HADHB: variants seen among roughly 807,000 people sequenced by gnomAD.
HADHB encodes trifunctional enzyme subunit beta, mitochondrial.
Under a neutral mutation model 61.9 loss-of-function variants are expected in HADHB, and 50 were observed. That is an observed-to-expected ratio of 0.81 (90% CI 0.64 to 1.02). The LOEUF (loss-of-function observed/expected upper bound fraction) is 1.02. Ranked by LOEUF, HADHB falls within the 50% of genes least tolerant of loss-of-function variation. HADHB has a pLI of 0.00. For missense variants in HADHB, 504 were observed against 586.5 expected, an observed-to-expected ratio of 0.86 and a Z score of 1.45; for synonymous variants, 191 against 201.6, an observed-to-expected ratio of 0.95 and a Z score of 0.45.
chr2:26,270,504 C>G (rs958607925), intron 5 of HADHB, among the ~76,000 whole-genome samples: 1 of 151,990 alleles, frequency 6.6e-6, no homozygotes, highest in African/African-American at 2.4e-5. Flanking sequence ...ACAGTTCTTT[C>G]TTAGTTTGGA....
chr2:26,270,332 T>C (rs1488395498), intron 5 of HADHB, among the ~76,000 whole-genome samples: 1 of 152,236 alleles, frequency 6.6e-6, no homozygotes, highest in African/African-American at 2.4e-5. Context: ...TGAAGATTCA[T>C]GTGCAAACCA....
At chr2:26,275,196 T>C (rs1019640378) in intron 6 of HADHB, among the ~76,000 whole-genome samples, 4 of 151,988 alleles carry the variant, frequency 2.6e-5, no homozygotes, top group Non-Finnish European at 5.9e-5. Flanking sequence ...AAGAATTTCT[T>C]AGGCCCTATT....
intron 15 of HADHB, 46 bp from the exon 16 acceptor site, chr2:26,289,872 A>C (rs755030019): frequency 7.5e-7 from 1 of 1,334,592 alleles, no homozygotes; most frequent in South Asian, 1.2e-5. Flanking sequence ...TACTAGGTGG[A>C]TTCATCACCA....
rs193209356 is a variant in HADHB at position 26,280,695 on chromosome 2, A to G, written c.933+580A>G. ...TGGAGAAACCCCGTCTCTACTAAAA[A>G]TACAAAATTAGCCAGATGTGGTGGC... is the stretch of plus-strand genomic sequence containing the variant. On this transcript the variant is annotated intron_variant, in intron 10 of 15. Transcript: ENST00000317799. 4.9e-3 allele frequency among the ~76,000 whole-genome samples: 739 copies of G among 152,186 alleles called. 6 individuals are homozygous for G. Among genetic ancestry groups the G allele is most frequent in the Non-Finnish European group, 8.1e-3 (548 of 68,010 alleles).
chr2:26,246,417 A>T (rs1456084522), intron 1 of HADHB, among the ~76,000 whole-genome samples: 1 of 150,208 alleles, frequency 6.7e-6, no homozygotes, highest in East Asian at 2.0e-4. Flanking sequence ...ATCTTGGCTC[A>T]CTGCAGCCTC....
chr2:26,289,479 T>C (rs1360418957), intron 15 of HADHB, among the ~76,000 whole-genome samples: 2 of 151,036 alleles, frequency 1.3e-5, no homozygotes, highest in Non-Finnish European at 2.9e-5. Context: ...AAACTTACTT[T>C]TATTGGTATT....
chr2:26,255,107 A>G (rs1449360856), intron 3 of HADHB, among the ~76,000 whole-genome samples: 1 of 152,204 alleles, frequency 6.6e-6, no homozygotes, highest in Non-Finnish European at 1.5e-5. Context: ...AAACACCCTG[A>G]CAAATTCTTA....
chr2:26,272,912 G>A (rs1408612313), intron 5 of HADHB, among the ~76,000 whole-genome samples: 1 of 151,874 alleles, frequency 6.6e-6, no homozygotes, highest in African/African-American at 2.4e-5. Flanking sequence ...GGTGAACCCT[G>A]TTTCTACTAA....
intron 3 of HADHB, chr2:26,261,161 TC>T: frequency 1.6e-6 from 1 of 635,058 alleles, no homozygotes; most frequent in Non-Finnish European, 2.8e-6. Context: ...GCAGGGCAAC[TC>T]CCTTTAGAGG....
chr2:26,256,260 G>C (rs1372192980), intron 3 of HADHB, among the ~76,000 whole-genome samples: 3 of 152,338 alleles, frequency 2.0e-5, no homozygotes, highest in South Asian at 4.1e-4. Flanking sequence ...ATGTGCCTGT[G>C]CTGAGCAGGT....
At chr2:26,287,449 A>G (rs1673081786) in intron 15 of HADHB, among the ~76,000 whole-genome samples, 1 of 152,156 alleles carries the variant, frequency 6.6e-6, no homozygotes, top group Non-Finnish European at 1.5e-5. Flanking sequence ...CACATTACTC[A>G]CGAGCATAGT....
At chr2:26,259,506 G>C (rs947023792) in intron 3 of HADHB, among the ~76,000 whole-genome samples, 2 of 152,090 alleles carry the variant, frequency 1.3e-5, no homozygotes, top group African/African-American at 4.8e-5. Context: ...ACACTCCCTT[G>C]TACCTACTCC....
chr2:26,269,940 T>A lies in HADHB; in HGVS notation c.210-13T>A. 1 of 1,595,224 alleles carries A rather than the reference T, an allele frequency of 6.3e-7. No homozygotes were observed. Among genetic ancestry groups the A allele is most frequent in the Non-Finnish European group, 8.6e-7 (1 of 1,162,716 alleles). On this transcript the variant is annotated splice_polypyrimidine_tract_variant and intron_variant, in intron 4 of 15. Coordinates refer to ENST00000317799, the MANE Select transcript of HADHB (RefSeq NM_000183.3). ...TAGGGTTTTGGTTTAAATTACTGGT[T>A]TTCGTTCCCCAGATATAAAGACCTG... is the stretch of plus-strand genomic sequence containing the variant.
At chr2:26,255,227 C>A (rs190742227) in intron 3 of HADHB, among the ~76,000 whole-genome samples, 1 of 151,944 alleles carries the variant, frequency 6.6e-6, no homozygotes. Context: ...AGGCTGGGTG[C>A]GGGGGCTCAC....
At chr2:26,260,522 C>T (rs367734927) in intron 3 of HADHB, 22 of 156,446 alleles carry the variant, frequency 1.4e-4, no homozygotes, top group South Asian at 3.9e-4. Flanking sequence ...CCTTGAGGAC[C>T]GATGCATTTA....
chr2:26,249,914 A>G (rs1671334348), intron 1 of HADHB, among the ~76,000 whole-genome samples: 1 of 152,146 alleles, frequency 6.6e-6, no homozygotes, highest in Admixed American at 6.5e-5. Flanking sequence ...GCTGGATTCA[A>G]TCCCATGTAA....
intron 15 of HADHB, among the ~76,000 whole-genome samples, chr2:26,286,821 T>G (rs1242302870): frequency 6.6e-5 from 10 of 151,160 alleles, no homozygotes; most frequent in East Asian, 1.9e-4. Flanking sequence ...TTGTTTTTTT[T>G]TTTTTTTTTT....
intron 4 of HADHB, among the ~76,000 whole-genome samples, chr2:26,264,486 G>A (rs1671986112): frequency 6.8e-6 from 1 of 147,686 alleles, no homozygotes; most frequent in Admixed American, 6.9e-5. Context: ...GGAGGTCAAG[G>A]CTGCAGTGAG....
Position 26,260,696 on chromosome 2 carries a change from C to G in HADHB, c.110-2684C>G, listed in dbSNP as rs142835775. On this transcript the variant is annotated intron_variant, in intron 3 of 15. Transcript: ENST00000317799. ...GGGTTTTTTGGTGTAGTAATGGACCCTCAAGTTAAGGATGAGAAGGTTTGT... is the reference window on the plus strand; with the variant it reads ...GGGTTTTTTGGTGTAGTAATGGACCGTCAAGTTAAGGATGAGAAGGTTTGT... 6.5e-4 allele frequency: 211 copies of G among 324,754 alleles called. 2 individuals carry two copies. The East Asian group carries it at 0.012, about 18-fold the overall frequency. The allele number at this position is 324,754 out of a possible 1,614,324, so 20.1% of individuals were successfully genotyped here.
Sources: allele counts gnomAD v4.1 joint callset (sites outside exome capture counted in the v4.1 genomes callset), GRCh38; gene constraint gnomAD v4.1.1; transcripts MANE v1.5; gene names NCBI Gene and HGNC (gene_info 2026-07-23, HGNC 2026-07-21).